The following PDCD11 variants were observed in gnomAD, a reference collection of about 807,000 sequenced individuals.
PDCD11 encodes protein RRP5 homolog.
PDCD11 carries 97 observed loss-of-function variants against 198.9 expected under a neutral mutation model. The ratio of observed to expected loss-of-function variants is 0.49; its 90% CI spans 0.41 to 0.58. The LOEUF (loss-of-function observed/expected upper bound fraction) is 0.58, where lower values mean the gene tolerates loss of function less well. PDCD11 is among the 20% of genes least tolerant of loss of function. The pLI, the probability that PDCD11 is intolerant of heterozygous loss-of-function variation, is 0.00. For missense variants in PDCD11, 2,102 were observed against 2,312.7 expected (o/e 0.91, Z 1.87); for synonymous variants, 893 against 918.0 (o/e 0.97, Z 0.49).
intron 8 of PDCD11, among the ~76,000 whole-genome samples, chr10:103,412,841 A>T (rs557509607): frequency 1.3e-5 from 2 of 152,290 alleles, no homozygotes; most frequent in Non-Finnish European, 2.9e-5. Flanking sequence ...CAAGTGATCC[A>T]CCTGCCTTGG....
At chr10:103,443,385 C>T (rs2032473040) in intron 33 of PDCD11, 52 bp downstream of exon 33, 4 of 1,516,384 alleles carry the variant, frequency 2.6e-6, no homozygotes, top group East Asian at 4.6e-5. Flanking sequence ...GCCACAATCT[C>T]AGAGAAGAGC....
rs4918015 is a variant in PDCD11, at chr10:103,423,180, C to G, written c.2647+43C>G. 1.0e-5 allele frequency: 15 copies of G among 1,487,964 alleles called. No individual in the cohort carries two copies. In the Admixed American group the frequency reaches 1.9e-4, roughly 19 times the overall value. The allele number at this position is 1,487,964 out of a possible 1,614,324, so 92.2% of individuals were successfully genotyped here. On this transcript the variant is annotated intron_variant, in intron 18 of 35. Transcript: ENST00000369797. ...ACCCATTGTGGTTGGTGGGAGGACC[C>G]TTTGTCCATTGCTCCCTCTCCTGGA...
rs73330632 is a variant in PDCD11 at position 103,440,915 on chromosome 10, G to C, written c.4557+65G>C. ...CAAGGGAAGAGCTGGGCCATCCTCT[G>C]CCTCATCCTCTTTTACTTCATTTCC... On this transcript the variant is annotated intron_variant, in intron 30 of 35. Coordinates refer to ENST00000369797, the MANE Select transcript of PDCD11 (RefSeq NM_014976.2). 3,258 of 1,108,710 alleles carry C rather than the reference G, an allele frequency of 2.9e-3. 48 individuals are homozygous for C. The African/African-American group carries it at 0.042, about 14-fold the overall frequency. The allele number at this position is 1,108,710 out of a possible 1,614,324, so 68.7% of individuals were successfully genotyped here.
chr10:103,431,639 T>TAAA (rs35327241), intron 21 of PDCD11, among the ~76,000 whole-genome samples: 2 of 149,220 alleles, frequency 1.3e-5, no homozygotes, highest in South Asian at 2.1e-4. Flanking sequence ...CTCATTTTAT[T>TAAA]AAAAAAAAAA....
chr10:103,418,881 A>G (rs924383403), intron 15 of PDCD11, among the ~76,000 whole-genome samples: 2 of 152,072 alleles, frequency 1.3e-5, no homozygotes, highest in South Asian at 4.2e-4. Context: ...CTGGAGAAGG[A>G]GGCCCAGTGG....
chr10:103,398,406 T>C lies in PDCD11; in HGVS notation c.-11-10T>C, dbSNP rs1177063590. On this transcript the variant is annotated splice_polypyrimidine_tract_variant and intron_variant, in intron 1 of 35. Coordinates refer to ENST00000369797, the MANE Select transcript of PDCD11 (RefSeq NM_014976.2). ...CAACATGTCACCATTATCCTTTGCA[T>C]TGTTTTTAGGAGACCCAAACATGGC... The C allele has an allele frequency of 6.6e-7, 1 of 1,526,148 alleles. No individual in the cohort carries two copies. The highest frequency in any genetic ancestry group is 2.2e-5 in the East Asian group (1 of 44,472). The allele number at this position is 1,526,148 out of a possible 1,614,324, so 94.5% of individuals were successfully genotyped here. A position where few individuals can be genotyped will look rare whatever the true frequency, so the allele number is the denominator to read the frequency against.
At chr10:103,439,472 G>A (rs1052980699) in intron 27 of PDCD11, among the ~76,000 whole-genome samples, 1 of 152,196 alleles carries the variant, frequency 6.6e-6, no homozygotes, top group African/African-American at 2.4e-5. Flanking sequence ...AGCCTTCCCT[G>A]CCATGCTGTT....
At chr10:103,429,813 C>T (rs190831300) in intron 21 of PDCD11, among the ~76,000 whole-genome samples, 55 of 152,242 alleles carry the variant, frequency 3.6e-4, no homozygotes, top group Non-Finnish European at 6.5e-4. Context: ...CTCTCTTCCG[C>T]CCCGGCAACC....
intron 25 of PDCD11, among the ~76,000 whole-genome samples, chr10:103,435,842 G>A (rs2032131400): frequency 6.6e-6 from 1 of 152,084 alleles, no homozygotes; most frequent in Admixed American, 6.6e-5. Flanking sequence ...ACTAATGCAG[G>A]TATGTTTGGT....
intron 19 of PDCD11, among the ~76,000 whole-genome samples, 174 bp downstream of exon 19, chr10:103,423,832 T>C (rs533117703): frequency 6.6e-6 from 1 of 152,292 alleles, no homozygotes; most frequent in African/African-American, 2.4e-5. Context: ...TAGTGCTGAC[T>C]TCTGTTCTGG....
In PDCD11 at chr10:103,445,688, T is replaced by G; in HGVS notation, c.*139T>G. ...CTGCAGCACGCTTGGGGAAATCCTGTCAGGATGAAAAGGAAGTTGAGATTT... is the reference window on the plus strand; with the variant it reads ...CTGCAGCACGCTTGGGGAAATCCTGGCAGGATGAAAAGGAAGTTGAGATTT... On this transcript the variant is annotated 3_prime_UTR_variant, in exon 36 of 36. Coordinates refer to ENST00000369797, the MANE Select transcript of PDCD11 (RefSeq NM_014976.2). 7.7e-6 allele frequency: 5 copies of G among 646,612 alleles called. No individual in the cohort carries two copies. Among genetic ancestry groups the G allele is most frequent in the Non-Finnish European group, 2.6e-6 (1 of 381,250 alleles). The allele number at this position is 646,612 out of a possible 1,614,324, so 40.1% of individuals were successfully genotyped here.
chr10:103,422,877 A>C, intron 17 of PDCD11, 111 bp from the exon 18 acceptor site: 1 of 1,020,932 alleles, frequency 9.8e-7, no homozygotes. Context: ...TTACCTTGTC[A>C]GTGGTTCCAG....
At position 103,409,805 on chromosome 10, in the gene PDCD11, C is replaced by G. The variant is rs747772215; in HGVS notation, c.977C>G (p.Ala326Gly). 1 of 1,605,582 alleles carries G rather than the reference C, an allele frequency of 6.2e-7. No individual in the cohort carries two copies. Among genetic ancestry groups the G allele is most frequent in the South Asian group, 1.1e-5 (1 of 90,904 alleles). The change falls in exon 8 of 36, where the codon GCA (alanine) becomes GGA (glycine). Residue 326 changes from alanine (A) to glycine (G), a missense_variant and splice_region_variant. By Grantham distance (60) the Ala-to-Gly change is moderately conservative. Transcript: ENST00000369797. ...GCTGGAACATATTTCTCAAATCAGGCAGTAAGAAATGTTGAGCCTATATTT... is the reference window on the plus strand; with the variant it reads ...GCTGGAACATATTTCTCAAATCAGGGAGTAAGAAATGTTGAGCCTATATTT... The part of the protein sequence containing the change: ...KKAGTYFSNQ[A>G]VRACILCVHP...
At chr10:103,415,770 G>T (rs1431298306) in intron 12 of PDCD11, among the ~76,000 whole-genome samples, 1 of 152,228 alleles carries the variant, frequency 6.6e-6, no homozygotes, top group Non-Finnish European at 1.5e-5. Flanking sequence ...GAGAGCAAAG[G>T]TTGTGTTCTA....
chr10:103,439,201 G>A (rs1347352942), intron 27 of PDCD11, among the ~76,000 whole-genome samples: 1 of 152,078 alleles, frequency 6.6e-6, no homozygotes, highest in African/African-American at 2.4e-5. Context: ...AATTAACCAG[G>A]TGTGGTAGCA....
chr10:103,414,460 T>C (rs1181795346), intron 11 of PDCD11, 130 bp downstream of exon 11: 12 of 653,954 alleles, frequency 1.8e-5, no homozygotes. Flanking sequence ...TTCTGCCTGC[T>C]GACTAGAATT....
At chr10:103,423,229 G>T in intron 18 of PDCD11, 92 bp downstream of exon 18, 1 of 1,304,944 alleles carries the variant, frequency 7.7e-7, no homozygotes, top group South Asian at 1.8e-5. Flanking sequence ...AATACTTACG[G>T]TAGGTGAGTT....
intron 1 of PDCD11, among the ~76,000 whole-genome samples, 183 bp downstream of exon 1, chr10:103,396,913 T>G (rs1252773023): frequency 6.6e-6 from 1 of 152,138 alleles, no homozygotes; most frequent in Non-Finnish European, 1.5e-5. Context: ...GTAGCCTAAG[T>G]ATCTTCTGTG....
At chr10:103,416,423 T>C (rs1041723879) in intron 12 of PDCD11, 68 bp from the exon 13 acceptor site, 3 of 1,563,206 alleles carry the variant, frequency 1.9e-6, no homozygotes, top group Non-Finnish European at 2.6e-6. Context: ...TTTAAGAGGT[T>C]GCAGAGACCA....
Sources: allele counts gnomAD v4.1 joint callset (sites outside exome capture counted in the v4.1 genomes callset), GRCh38; gene constraint gnomAD v4.1.1; transcripts MANE v1.5; gene names NCBI Gene and HGNC (gene_info 2026-07-23, HGNC 2026-07-21).